Variants in GPD2 observed in about 807,000 individuals in gnomAD.
GPD2 encodes glycerol-3-phosphate dehydrogenase 2.
In GPD2, 54 loss-of-function variants were observed where a neutral mutation model predicts 82.4. The ratio of observed to expected loss-of-function variants is 0.66; its 90% confidence interval spans 0.53 to 0.82. GPD2 has a LOEUF of 0.82. Ranked by LOEUF, GPD2 falls within the 40% of genes least tolerant of loss-of-function variation. The pLI, the probability that GPD2 is intolerant of heterozygous loss-of-function variation, is 0.00. For missense variants in GPD2, 748 were observed against 896.2 expected, an observed-to-expected ratio of 0.83 and a Z score of 2.11; for synonymous variants, 288 against 306.1, an observed-to-expected ratio of 0.94 and a Z score of 0.62.
At chr2:156,413,888 G>C in the GPD2 span, among the ~76,000 whole-genome samples, 1 of 152,216 alleles carries the variant, frequency 6.6e-6, no homozygotes, top group Admixed American at 6.5e-5. Flanking sequence ...TGGGCAATAA[G>C]AGCAAAACTC....
At chr2:156,429,056 T>C in the GPD2 span, among the ~76,000 whole-genome samples, 1 of 152,256 alleles carries the variant, frequency 6.6e-6, no homozygotes, top group Non-Finnish European at 1.5e-5. Context: ...TTGCTATTGT[T>C]ATGCTGTTTT....
intron 1 of GPD2, 52 bp from the exon 2 acceptor site, chr2:156,476,046 A>G (rs1683498622): frequency 2.3e-6 from 2 of 879,476 alleles, no homozygotes; most frequent in Admixed American, 3.4e-5. Context: ...TGGGATGGTT[A>G]TGCGATAACT....
intron 2 of GPD2, among the ~76,000 whole-genome samples, chr2:156,484,379 C>T (rs1030145899): frequency 6.6e-5 from 10 of 152,060 alleles, no homozygotes; most frequent in Admixed American, 2.0e-4. Flanking sequence ...TAGGGTGATC[C>T]GCCCGCCTCG....
intron 6 of GPD2, among the ~76,000 whole-genome samples, chr2:156,534,830 CAG>C (rs1401069188): frequency 1.3e-5 from 2 of 150,666 alleles, no homozygotes; most frequent in African/African-American, 4.9e-5. Flanking sequence ...AAAACTCTAA[CAG>C]AGGATACAGA....
intron 2 of GPD2, among the ~76,000 whole-genome samples, chr2:156,490,374 C>G (rs1573923374): frequency 6.8e-6 from 1 of 146,788 alleles, no homozygotes; most frequent in Non-Finnish European, 1.5e-5. Flanking sequence ...TGCAACACTT[C>G]CCAGCTTTTA....
chr2:156,420,877 A>G, the GPD2 span, among the ~76,000 whole-genome samples: 1 of 152,228 alleles, frequency 6.6e-6, no homozygotes, highest in African/African-American at 2.4e-5. Context: ...CTTGCTGCAT[A>G]TTCACTATAA....
At chr2:156,431,885 C>CTTTTTTTT (rs34394250), upstream of GPD2, among the ~76,000 whole-genome samples, 1 of 119,958 alleles carries the variant, frequency 8.3e-6, no homozygotes, top group Non-Finnish European at 1.7e-5. Flanking sequence ...TCTGTGAAAT[C>CTTTTTTTT]TTTTTTTTTT....
chr2:156,419,435 G>A, the GPD2 span, among the ~76,000 whole-genome samples: 1 of 152,104 alleles, frequency 6.6e-6, no homozygotes, highest in East Asian at 1.9e-4. Flanking sequence ...TAAAGAAATG[G>A]CATTTATTTT....
At chr2:156,415,065 G>A in the GPD2 span, among the ~76,000 whole-genome samples, 3 of 151,582 alleles carry the variant, frequency 2.0e-5, no homozygotes, top group Admixed American at 6.6e-5. Flanking sequence ...CCCATCACCC[G>A]AGCAGTATAC....
At chr2:156,565,704 G>A (rs1457210244) in intron 9 of GPD2, among the ~76,000 whole-genome samples, 1 of 152,080 alleles carries the variant, frequency 6.6e-6, no homozygotes, top group Admixed American at 6.6e-5. Flanking sequence ...AGAATCTATA[G>A]TAAAATATGC....
At chr2:156,580,721 C>G (rs150964818) in intron 16 of GPD2, among the ~76,000 whole-genome samples, 1 of 152,310 alleles carries the variant, frequency 6.6e-6, no homozygotes, top group African/African-American at 2.4e-5. Flanking sequence ...TGGTAATTGT[C>G]TCTCTGGAGA....
intron 1 of GPD2, among the ~76,000 whole-genome samples, chr2:156,438,091 G>C (rs559448155): frequency 6.6e-6 from 1 of 152,160 alleles, no homozygotes; most frequent in South Asian, 2.1e-4. Flanking sequence ...CTCAATAAAT[G>C]TTTTCTCAAT....
At chr2:156,406,889 A>G in the GPD2 span, among the ~76,000 whole-genome samples, 1 of 152,138 alleles carries the variant, frequency 6.6e-6, no homozygotes, top group Non-Finnish European at 1.5e-5. Context: ...ATGGTGCAAA[A>G]TTCAAAAGGT....
At chr2:156,538,912 C>A (rs1686191851) in intron 6 of GPD2, among the ~76,000 whole-genome samples, 2 of 147,556 alleles carry the variant, frequency 1.4e-5, no homozygotes, top group Admixed American at 1.4e-4. Context: ...GCTTAAAAAA[C>A]AATATCTGTT....
chr2:156,508,205 G>A (rs2105264894), intron 3 of GPD2, among the ~76,000 whole-genome samples: 1 of 152,060 alleles, frequency 6.6e-6, no homozygotes, highest in African/African-American at 2.4e-5. Context: ...TAACTCGCAT[G>A]GTTGTTGGAC....
At chr2:156,499,137 C>T (rs533967288) in intron 3 of GPD2, among the ~76,000 whole-genome samples, 133 of 152,122 alleles carry the variant, frequency 8.7e-4, no homozygotes, top group Non-Finnish European at 1.5e-3. Context: ...TAAACAAATA[C>T]GAGGTGAGAT....
chr2:156,437,385 T>G (rs568775180), intron 1 of GPD2, among the ~76,000 whole-genome samples: 1 of 152,330 alleles, frequency 6.6e-6, no homozygotes. Context: ...GCTGTCACAC[T>G]GGGCCCAGGC....
At chr2:156,522,945 G>A (rs1286821282) in intron 6 of GPD2, among the ~76,000 whole-genome samples, 2 of 126,842 alleles carry the variant, frequency 1.6e-5, no homozygotes, top group African/African-American at 5.2e-5. Flanking sequence ...CTTTTTTAGA[G>A]AAATTTTAGG....
rs745525242 is a variant in GPD2 at position 156,557,440 on chromosome 2, T to C, written c.1023T>C (p.Ile341=). ...CAGCGACCAGTGATGGGCGAGTTAT[T>C]TTCTTCTTACCCTGGCAAAAGATGA... ...LDPATSDGRV[I]FFLPWQKMTI... Residue 341 remains isoleucine, a synonymous_variant, in exon 9 of 17, where the codon ATT becomes ATC. Coordinates refer to ENST00000438166, the MANE Select transcript of GPD2 (RefSeq NM_000408.5). The C allele has an allele frequency of 1.1e-5, 17 of 1,611,372 alleles. No individual in the cohort carries two copies. Among genetic ancestry groups the C allele is most frequent in the Non-Finnish European group, 1.4e-5 (17 of 1,177,628 alleles).
Sources: gnomAD v4.1 joint callset for allele counts (sites outside exome capture counted in the v4.1 genomes callset) on GRCh38, gnomAD v4.1.1 for gene constraint, MANE v1.5 for transcripts, NCBI Gene and HGNC (gene_info 2026-07-23, HGNC 2026-07-21) for gene names.